GRM5: variants seen among roughly 807,000 people sequenced by gnomAD.
GRM5 encodes the protein glutamate metabotropic receptor 5, also known as metabotropic glutamate receptor 5.
A neutral mutation model predicts 83.1 loss-of-function variants in GRM5; 19 were observed. That is an observed-to-expected ratio of 0.23 (90% CI 0.16 to 0.34). The LOEUF (loss-of-function observed/expected upper bound fraction) is 0.34. GRM5 is among the 10% of genes least tolerant of loss of function. The pLI is 1.00. For synonymous variants in GRM5, 675 were observed against 633.6 expected, an observed-to-expected ratio of 1.07 and a Z score of -0.98; for missense variants, 1,160 against 1,588.3, an observed-to-expected ratio of 0.73 and a Z score of 4.58.
intron 2 of GRM5, among the ~76,000 whole-genome samples, chr11:88,988,974 A>G (rs1279444395): frequency 6.6e-6 from 1 of 150,450 alleles, no homozygotes. Context: ...ATAACCAGCT[A>G]ACATCATAAT....
intron 2 of GRM5, among the ~76,000 whole-genome samples, chr11:89,004,679 T>C (rs559767459): frequency 7.2e-5 from 11 of 152,338 alleles, no homozygotes; most frequent in Non-Finnish European, 1.0e-4. Context: ...GATCTACATT[T>C]GAAATGTAGC....
At chr11:88,895,205 G>C (rs1214525826) in intron 2 of GRM5, among the ~76,000 whole-genome samples, 1 of 151,928 alleles carries the variant, frequency 6.6e-6, no homozygotes, top group Non-Finnish European at 1.5e-5. Flanking sequence ...TTTCATTGTA[G>C]AATTCAATTG....
intron 3 of GRM5, among the ~76,000 whole-genome samples, chr11:88,839,579 T>C (rs534071345): frequency 3.3e-4 from 50 of 152,350 alleles, no homozygotes; most frequent in African/African-American, 1.2e-3. Context: ...CTATACATTT[T>C]GTTCACCACT....
intron 3 of GRM5, among the ~76,000 whole-genome samples, chr11:88,695,780 C>T (rs1299093393): frequency 1.3e-5 from 2 of 152,108 alleles, no homozygotes; most frequent in African/African-American, 2.4e-5. Context: ...GGGTGTGGCT[C>T]GCTTCTTCCA....
chr11:88,549,488 AC>A (rs1463735167), intron 8 of GRM5, among the ~76,000 whole-genome samples: 1 of 151,360 alleles, frequency 6.6e-6, no homozygotes, highest in Admixed American at 6.6e-5. Context: ...CCAAACCCCA[AC>A]CCCCCAGAGA....
At chr11:88,574,779 A>G (rs985117296) in intron 7 of GRM5, among the ~76,000 whole-genome samples, 4 of 152,134 alleles carry the variant, frequency 2.6e-5, no homozygotes, top group Non-Finnish European at 5.9e-5. Flanking sequence ...AGAAAAAGAA[A>G]TATTCCTCAT....
chr11:88,809,122 G>C (rs533762029), intron 3 of GRM5, among the ~76,000 whole-genome samples: 1 of 151,908 alleles, frequency 6.6e-6, no homozygotes, highest in Non-Finnish European at 1.5e-5. Flanking sequence ...AAAGCATAGA[G>C]CAACTGATTC....
chr11:88,957,211 G>A (rs1211943210), intron 2 of GRM5, among the ~76,000 whole-genome samples: 1 of 152,198 alleles, frequency 6.6e-6, no homozygotes, highest in Non-Finnish European at 1.5e-5. Context: ...AGGAATGGAT[G>A]CTTCCGATGA....
intron 7 of GRM5, among the ~76,000 whole-genome samples, chr11:88,583,114 GCAAAAAAAA>G (rs1447746434): frequency 6.9e-6 from 1 of 145,736 alleles, no homozygotes; most frequent in African/African-American, 2.5e-5. Flanking sequence ...TTATTAAAAG[GCAAAAAAAA>G]AAAAAGTCCC....
intron 2 of GRM5, among the ~76,000 whole-genome samples, chr11:89,034,250 C>T (rs1258980061): frequency 2.6e-5 from 4 of 151,776 alleles, no homozygotes; most frequent in Non-Finnish European, 5.9e-5. Context: ...TCAAAGGGAA[C>T]AGTACTGATG....
At chr11:88,761,218 A>C (rs7931380) in intron 3 of GRM5, among the ~76,000 whole-genome samples, 109,945 of 151,908 alleles carry the variant, frequency 0.72, 40,210 homozygotes, top group African/African-American at 0.75. Context: ...GGGCAACAGA[A>C]AGAAATAAAG....
chr11:88,660,685 A>C (rs1206552052), intron 3 of GRM5, among the ~76,000 whole-genome samples: 2 of 152,216 alleles, frequency 1.3e-5, no homozygotes, highest in Non-Finnish European at 2.9e-5. Context: ...AGTTATGCTT[A>C]TCATGATGAA....
At chr11:89,027,879 T>G (rs557763326) in intron 2 of GRM5, among the ~76,000 whole-genome samples, 2 of 152,346 alleles carry the variant, frequency 1.3e-5, no homozygotes, top group African/African-American at 4.8e-5. Context: ...TGTGGTGGTG[T>G]TAACAGGTGG....
At chr11:88,939,698 G>A (rs920604931) in intron 2 of GRM5, among the ~76,000 whole-genome samples, 6 of 151,602 alleles carry the variant, frequency 4.0e-5, no homozygotes, top group Admixed American at 2.0e-4. Context: ...GTATGTGTGC[G>A]CGTGTTTGGC....
At chr11:88,887,224 T>C (rs1267982489) in intron 2 of GRM5, among the ~76,000 whole-genome samples, 2 of 152,206 alleles carry the variant, frequency 1.3e-5, no homozygotes, top group African/African-American at 2.4e-5. Context: ...ATTTAGTCCA[T>C]ACATTTTTAA....
chr11:88,599,053 C>T (rs575456388), intron 5 of GRM5, among the ~76,000 whole-genome samples: 138 of 152,242 alleles, frequency 9.1e-4, no homozygotes, highest in Non-Finnish European at 1.8e-3. Context: ...TGCTCCAAAT[C>T]CTGGGTACTG....
intron 3 of GRM5, among the ~76,000 whole-genome samples, chr11:88,794,767 G>T (rs868031077): frequency 1.3e-5 from 2 of 152,274 alleles, no homozygotes; most frequent in Middle Eastern, 6.8e-3. Context: ...TTACTGGAGG[G>T]TTATTATGGT....
At chr11:88,839,517 G>T (rs1008525089) in intron 3 of GRM5, among the ~76,000 whole-genome samples, 1 of 152,080 alleles carries the variant, frequency 6.6e-6, no homozygotes, top group African/African-American at 2.4e-5. Flanking sequence ...TTATCAAAGT[G>T]CAAATGATTT....
At chr11:88,928,962 T>G (rs1937623373) in intron 2 of GRM5, among the ~76,000 whole-genome samples, 1 of 151,206 alleles carries the variant, frequency 6.6e-6, no homozygotes, top group South Asian at 2.1e-4. Flanking sequence ...GTTTATTTCT[T>G]TGGTACTTTG....
Sources: allele counts gnomAD v4.1 joint callset (sites outside exome capture counted in the v4.1 genomes callset), GRCh38; gene constraint gnomAD v4.1.1; transcripts MANE v1.5; gene names NCBI Gene and HGNC (gene_info 2026-07-23, HGNC 2026-07-21).